Variants in GALNT5 observed in about 807,000 individuals in gnomAD.
The protein encoded by GALNT5 is UDP-GalNAc:polypeptide N-acetylgalactosaminyltransferase 5.
In GALNT5, 72 loss-of-function variants were observed where a neutral mutation model predicts 85.4. The observed-to-expected ratio is 0.84, with a 90% CI of 0.70 to 1.03. GALNT5 has a LOEUF of 1.03. GALNT5 is among the 50% of genes least tolerant of loss of function. The probability of loss-of-function intolerance (pLI) is 0.00; values close to 1 mark genes in which losing one functional copy is unlikely to be tolerated. For missense variants in GALNT5, 1,137 were observed against 1,135.5 expected (o/e 1.00, Z -0.02); for synonymous variants, 404 against 397.0 (o/e 1.02, Z -0.21).
intron 1 of GALNT5, among the ~76,000 whole-genome samples, chr2:157,273,863 C>A (rs1388789192): frequency 1.3e-5 from 2 of 151,470 alleles, no homozygotes; most frequent in African/African-American, 2.4e-5. Context: ...ATACTTTAAA[C>A]CTGCCCAATG....
At chr2:157,266,206 T>C (rs1682454581) in intron 1 of GALNT5, among the ~76,000 whole-genome samples, 1 of 152,194 alleles carries the variant, frequency 6.6e-6, no homozygotes. Context: ...ATCTGATCCT[T>C]GTGGCCATGC....
Position 157,300,660 on chromosome 2 carries a change from C to G in GALNT5, c.2116-16C>G. On this transcript the variant is annotated splice_polypyrimidine_tract_variant and intron_variant, in intron 6 of 9. Transcript: ENST00000259056. ...TAATCATTTGATAATTGATGCTTAT[C>G]ATCAAATTCTTCCAGGTGTGGATGT... The G allele has an allele frequency of 6.3e-7, 1 of 1,580,346 alleles. No individual in the cohort carries two copies. The highest frequency in any genetic ancestry group is 1.1e-5 in the South Asian group (1 of 90,166).
At chr2:157,300,603 C>A in intron 6 of GALNT5, 73 bp from the exon 7 acceptor site, 1 of 1,212,854 alleles carries the variant, frequency 8.2e-7, no homozygotes, top group Non-Finnish European at 1.2e-6. Context: ...AAGGTGGTTT[C>A]TTGTCATTGT....
chr2:157,305,806 G>A lies in GALNT5; in HGVS notation c.2497G>A (p.Glu833Lys). 1 of 1,605,798 alleles carries A rather than the reference G, an allele frequency of 6.2e-7. No homozygotes were observed. The part of the protein sequence containing the change: ...ISIENTTVIL[E>K]DCDGSKELQQ... ...CATTGAAAACACTACAGTCATTCTG[G>A]AAGACTGCGATGGGAGCAAAGAGGT... Residue 833 changes from glutamate to lysine, a missense_variant, in exon 8 of 10, where the codon GAA becomes AAA. Coordinates refer to ENST00000259056, the MANE Select transcript of GALNT5 (RefSeq NM_014568.3).
At chr2:157,284,219 T>C (rs1682919096) in intron 1 of GALNT5, 63 bp from the exon 2 acceptor site, 2 of 1,439,414 alleles carry the variant, frequency 1.4e-6, no homozygotes, top group African/African-American at 2.8e-5. Flanking sequence ...CTCTGTGACT[T>C]TTAAAACTAT....
intron 1 of GALNT5, among the ~76,000 whole-genome samples, chr2:157,271,594 G>T (rs534586171): frequency 6.6e-6 from 1 of 152,278 alleles, no homozygotes; most frequent in South Asian, 2.1e-4. Context: ...TGGATTGATT[G>T]TATTTATGGT....
chr2:157,284,885 G>C (rs1682938270), intron 2 of GALNT5, among the ~76,000 whole-genome samples: 1 of 152,230 alleles, frequency 6.6e-6, no homozygotes, highest in African/African-American at 2.4e-5. Flanking sequence ...CAAGGCATAT[G>C]ATGTGTTCAG....
At chr2:157,266,917 T>C (rs911546008) in intron 1 of GALNT5, among the ~76,000 whole-genome samples, 1 of 152,176 alleles carries the variant, frequency 6.6e-6, no homozygotes, top group East Asian at 1.9e-4. Context: ...AGAAAAAAAT[T>C]ATAGGAAAGC....
intron 1 of GALNT5, among the ~76,000 whole-genome samples, chr2:157,283,617 A>G (rs1162926608): frequency 1.3e-5 from 2 of 152,232 alleles, no homozygotes; most frequent in Non-Finnish European, 2.9e-5. Flanking sequence ...TACATACACA[A>G]GCAGAATGGG....
intron 9 of GALNT5, 144 bp downstream of exon 9, chr2:157,308,872 T>A: frequency 1.8e-6 from 1 of 553,678 alleles, no homozygotes; most frequent in South Asian, 3.3e-5. Context: ...TTCACAGAGA[T>A]GCATGGATAT....
At chr2:157,289,565 A>T (rs1345624630) in intron 3 of GALNT5, among the ~76,000 whole-genome samples, 2 of 152,106 alleles carry the variant, frequency 1.3e-5, no homozygotes, top group Non-Finnish European at 2.9e-5. Flanking sequence ...TCACTAAGGG[A>T]ATCTACAGCT....
chr2:157,296,652 A>T (rs1683220332), intron 5 of GALNT5, 139 bp downstream of exon 5: 6 of 650,240 alleles, frequency 9.2e-6, no homozygotes, highest in Non-Finnish European at 1.5e-5. Context: ...TTACCAAAGC[A>T]AACACAGTGT....
chr2:157,311,242 T>C lies in GALNT5; in HGVS notation c.2717T>C (p.Leu906Ser). Residue 906 changes from leucine (L) to serine (S), a missense_variant, in exon 10 of 10, where the codon TTA becomes TCA. Leu to Ser is a moderately radical substitution (Grantham distance 145). Coordinates refer to ENST00000259056, the MANE Select transcript of GALNT5 (RefSeq NM_014568.3). ...NHIVFENNQQ[L>S]LCLEGNFSQK... is the part of the protein sequence containing the mutation. ...ATTGTTTTTGAAAACAATCAGCAAT[T>C]ATTATGCTTGGAAGGAAATTTTTCT... is the stretch of plus-strand genomic sequence containing the variant. The C allele has an allele frequency of 6.2e-7, 1 of 1,610,772 alleles. No homozygotes were observed.
At chr2:157,299,736 T>C in intron 6 of GALNT5, 71 bp downstream of exon 6, 1 of 824,308 alleles carries the variant, frequency 1.2e-6, no homozygotes, top group East Asian at 2.5e-5. Context: ...TTGATTTTAC[T>C]ACCATAATCA....
chr2:157,270,422 C>A (rs1682557245), intron 1 of GALNT5, among the ~76,000 whole-genome samples: 1 of 152,154 alleles, frequency 6.6e-6, no homozygotes, highest in Non-Finnish European at 1.5e-5. Context: ...AGTATCTGTC[C>A]AAAATATTCT....
intron 8 of GALNT5, among the ~76,000 whole-genome samples, chr2:157,307,160 G>A (rs933422272): frequency 2.0e-5 from 3 of 152,070 alleles, no homozygotes; most frequent in Non-Finnish European, 4.4e-5. Context: ...TGCAGGCTTC[G>A]ACTTCCACAA....
At chr2:157,279,995 T>C (rs1297074806) in intron 1 of GALNT5, among the ~76,000 whole-genome samples, 1 of 152,144 alleles carries the variant, frequency 6.6e-6, no homozygotes, top group Non-Finnish European at 1.5e-5. Context: ...ATGGGGTTTC[T>C]CCATGTTCGT....
intron 9 of GALNT5, among the ~76,000 whole-genome samples, chr2:157,309,512 A>C (rs760071675): frequency 7.9e-5 from 12 of 152,198 alleles, no homozygotes; most frequent in Non-Finnish European, 1.5e-4. Flanking sequence ...TGGCGAGAAT[A>C]GTCTCAGAAT....
chr2:157,269,505 T>C (rs1383675453), intron 1 of GALNT5, among the ~76,000 whole-genome samples: 5 of 152,208 alleles, frequency 3.3e-5, no homozygotes, highest in African/African-American at 1.2e-4. Flanking sequence ...CTAAGATATA[T>C]ATTTGTCAAC....
Sources: gnomAD v4.1 joint callset for allele counts (sites outside exome capture counted in the v4.1 genomes callset) on GRCh38, gnomAD v4.1.1 for gene constraint, MANE v1.5 for transcripts, NCBI Gene and HGNC (gene_info 2026-07-23, HGNC 2026-07-21) for gene names.